The following PCDHA1 variants were observed in gnomAD, a reference collection of about 807,000 sequenced individuals.
The protein encoded by PCDHA1 is protocadherin alpha-1.
A neutral mutation model predicts 61.3 loss-of-function variants in PCDHA1; 42 were observed. The ratio of observed to expected loss-of-function variants is 0.69; its 90% CI spans 0.54 to 0.89. PCDHA1 has a LOEUF of 0.89. Ranked by LOEUF, PCDHA1 falls within the 40% of genes least tolerant of loss-of-function variation. The probability of loss-of-function intolerance (pLI) is 0.00; values close to 1 mark genes in which losing one functional copy is unlikely to be tolerated. For missense variants in PCDHA1, 1,256 were observed against 1,235.3 expected, an observed-to-expected ratio of 1.02 and a Z score of -0.25; for synonymous variants, 610 against 553.8, an observed-to-expected ratio of 1.10 and a Z score of -1.43.
chr5:140,809,283 A>T, intron 1 of PCDHA1: 1 of 1,614,104 alleles, frequency 6.2e-7, no homozygotes, highest in East Asian at 2.2e-5. Context: ...GTCAACGTAT[A>T]CCTGATCATT....
chr5:140,968,526 C>G, intron 1 of PCDHA1: 3 of 1,614,200 alleles, frequency 1.9e-6, no homozygotes, highest in Middle Eastern at 1.6e-4. Context: ...TCAACCAACT[C>G]GTCAGCAGCC....
intron 1 of PCDHA1, among the ~76,000 whole-genome samples, chr5:140,838,525 T>C (rs1165394742): frequency 6.6e-6 from 1 of 151,996 alleles, no homozygotes; most frequent in Non-Finnish European, 1.5e-5. Flanking sequence ...CATCTTATTT[T>C]CTTTTATGGA....
At chr5:140,796,093 C>A (rs781879420) in intron 1 of PCDHA1, 4 of 1,614,204 alleles carry the variant, frequency 2.5e-6, no homozygotes, top group Non-Finnish European at 3.4e-6. Context: ...GGTGTCGGAT[C>A]GCGACTCTGG....
chr5:140,946,936 A>T (rs1344601116), intron 1 of PCDHA1, among the ~76,000 whole-genome samples: 1 of 151,482 alleles, frequency 6.6e-6, no homozygotes, highest in Non-Finnish European at 1.5e-5. Context: ...AGTAGAGTGT[A>T]GTTAAGAATA....
chr5:140,883,946 G>A, intron 1 of PCDHA1: 5 of 1,613,392 alleles, frequency 3.1e-6, no homozygotes, highest in Middle Eastern at 1.7e-4. Context: ...GGACGAGAAC[G>A]ACAACGCTCC....
At chr5:140,808,880 C>T (rs782412304) in intron 1 of PCDHA1, 5 of 1,613,204 alleles carry the variant, frequency 3.1e-6, no homozygotes, top group Non-Finnish European at 4.2e-6. Context: ...CGCGCCAGCA[C>T]TGCTAGCGCC....
intron 1 of PCDHA1, among the ~76,000 whole-genome samples, chr5:140,947,506 A>C (rs1034178009): frequency 6.6e-6 from 1 of 151,700 alleles, no homozygotes; most frequent in Non-Finnish European, 1.5e-5. Flanking sequence ...TTAAATTTTC[A>C]TATAAATTTT....
intron 1 of PCDHA1, chr5:140,797,325 G>C (rs1762211878): frequency 3.1e-6 from 5 of 1,614,176 alleles, no homozygotes; most frequent in Non-Finnish European, 4.2e-6. Context: ...AAGAGAAACA[G>C]CTCTCAGAAT....
At position 140,973,495 on chromosome 5, in the gene PCDHA1, T is replaced by TA. The variant is rs148545809; in HGVS notation, c.2395-5454_2395-5453insA. Among the ~76,000 whole-genome samples, 585 of 152,336 alleles carry TA rather than the reference T, an allele frequency of 3.8e-3. 2 individuals are homozygous for TA. Among genetic ancestry groups the TA allele is most frequent in the African/African-American group, 0.013 (553 of 41,574 alleles). ...AATTTCATATTGGTCACAGGACTCTTCTTCTGAGAAAAAGTTTATTTTCTT... is the reference window on the plus strand; with the variant it reads ...AATTTCATATTGGTCACAGGACTCTTACTTCTGAGAAAAAGTTTATTTTCTT... On this transcript the variant is annotated intron_variant, in intron 1 of 3. Coordinates refer to ENST00000504120, the MANE Select transcript of PCDHA1 (RefSeq NM_018900.4).
At chr5:140,887,376 G>A (rs1169212781) in intron 1 of PCDHA1, among the ~76,000 whole-genome samples, 1 of 152,158 alleles carries the variant, frequency 6.6e-6, no homozygotes, top group Non-Finnish European at 1.5e-5. Context: ...GATTACAGGT[G>A]TGAGCCACCG....
At chr5:140,953,952 C>G (rs1025145135) in intron 1 of PCDHA1, among the ~76,000 whole-genome samples, 1 of 152,084 alleles carries the variant, frequency 6.6e-6, no homozygotes, top group Non-Finnish European at 1.5e-5. Flanking sequence ...GCTCCCCCAA[C>G]AGGCCCCAGT....
chr5:140,855,992 T>C (rs2043714140), intron 1 of PCDHA1: 2 of 1,492,956 alleles, frequency 1.3e-6, no homozygotes, highest in Admixed American at 4.4e-5. Context: ...AAATGTCAGA[T>C]CGTATGTGCG....
At chr5:140,876,543 C>T (rs1357446844) in intron 1 of PCDHA1, 10 of 1,614,022 alleles carry the variant, frequency 6.2e-6, no homozygotes, top group African/African-American at 2.7e-5. Context: ...CACTGTCGCT[C>T]CCTGTGCAAG....
chr5:140,968,564 G>C (rs565573880), intron 1 of PCDHA1: 1 of 1,614,168 alleles, frequency 6.2e-7, no homozygotes, highest in South Asian at 1.1e-5. Context: ...AACTGCCCCT[G>C]CTGGCTACCT....
intron 3 of PCDHA1, among the ~76,000 whole-genome samples, chr5:140,983,949 T>TA (rs1554245835): frequency 1.3e-5 from 2 of 152,176 alleles, no homozygotes. Flanking sequence ...ACAATTCAAC[T>TA]AAAAGTCACA....
At chr5:140,906,017 C>G (rs1172988114) in intron 1 of PCDHA1, among the ~76,000 whole-genome samples, 2 of 152,188 alleles carry the variant, frequency 1.3e-5, no homozygotes, top group African/African-American at 2.4e-5. Flanking sequence ...AGTCTAATCT[C>G]TCCACGTTCT....
Position 140,787,815 on chromosome 5 carries a change from T to C in PCDHA1, c.1525T>C (p.Ser509Pro), listed in dbSNP as rs782224438. 70 of 1,612,392 alleles carry C rather than the reference T, an allele frequency of 4.3e-5. No individual in the cohort carries two copies. In the South Asian group the frequency reaches 7.1e-4, roughly 16 times the overall value. Residue 509 changes from serine to proline, a missense_variant, in exon 1 of 4, where the codon TCA becomes CCA. By Grantham distance (74) the Ser-to-Pro change is moderately conservative. Transcript: ENST00000504120. ...CGAGCGCGCGCTGTCGAACTACGTG[T>C]CAGTGCACGCGGAGAGCGGCAAGGT... Reference protein sequence around the residue: ...VGERALSNYVSVHAESGKVYA... With the variant: ...VGERALSNYVPVHAESGKVYA...
chr5:140,927,191 T>C, intron 1 of PCDHA1: 16 of 1,614,144 alleles, frequency 9.9e-6, no homozygotes, highest in Non-Finnish European at 1.4e-5. Context: ...TACGACCTGG[T>C]GCTCGAGGAC....
rs782371275 is a variant in PCDHA1, at chr5:140,788,134, C to G, written c.1844C>G (p.Ala615Gly). ...CTGTCCTATGAACTGCAGCCGGCAG[C>G]AGGCGGCGCGCGCATCCCGTTCCGC... ...AWLSYELQPA[A>G]GGARIPFRVG... Residue 615 changes from alanine to glycine, a missense_variant, in exon 1 of 4, where the codon GCA becomes GGA. Transcript: ENST00000504120. The G allele has an allele frequency of 4.3e-6, 7 of 1,613,946 alleles. No homozygotes were observed. Among genetic ancestry groups the G allele is most frequent in the South Asian group, 1.1e-5 (1 of 91,078 alleles).
Sources: gnomAD v4.1 joint callset for allele counts (sites outside exome capture counted in the v4.1 genomes callset) on GRCh38, gnomAD v4.1.1 for gene constraint, MANE v1.5 for transcripts, NCBI Gene and HGNC (gene_info 2026-07-23, HGNC 2026-07-21) for gene names.